The following ARHGEF4 variants were observed in gnomAD, a reference collection of about 807,000 sequenced individuals.
ARHGEF4 encodes the protein APC-stimulated guanine nucleotide exchange factor 1.
ARHGEF4 carries 119 observed loss-of-function variants against 162.0 expected under a neutral mutation model. The observed-to-expected ratio is 0.73, with a 90% CI of 0.63 to 0.86. The LOEUF (loss-of-function observed/expected upper bound fraction) is 0.86, where lower values mean the gene tolerates loss of function less well. Ranked by LOEUF, ARHGEF4 falls within the 40% of genes least tolerant of loss-of-function variation. The pLI is 0.00. For synonymous variants in ARHGEF4, 1,014 were observed against 979.9 expected (o/e 1.03, Z -0.65); for missense variants, 2,488 against 2,456.0 (o/e 1.01, Z -0.28).
chr2:131,025,078 C>T (rs1689391747), intron 4 of ARHGEF4, among the ~76,000 whole-genome samples: 1 of 152,028 alleles, frequency 6.6e-6, no homozygotes. Flanking sequence ...TAAAAAAATA[C>T]CTGAGACTGG....
chr2:130,882,695 T>C (rs988081177), intron 1 of ARHGEF4, among the ~76,000 whole-genome samples: 2 of 151,946 alleles, frequency 1.3e-5, no homozygotes, highest in Non-Finnish European at 2.9e-5. Context: ...TGCCACAAAC[T>C]AGTGCGAACA....
chr2:131,039,802 C>T, intron 6 of ARHGEF4: 1 of 1,407,800 alleles, frequency 7.1e-7, no homozygotes, highest in Non-Finnish European at 9.2e-7. Flanking sequence ...GTATTCGGAT[C>T]ACACTGACGG....
intron 1 of ARHGEF4, among the ~76,000 whole-genome samples, chr2:130,908,202 C>A (rs530746119): frequency 1.3e-5 from 2 of 152,124 alleles, no homozygotes; most frequent in African/African-American, 4.8e-5. Context: ...ATATTATATT[C>A]TTTTTGTGGT....
Position 130,915,779 on chromosome 2 carries a change from C to G in ARHGEF4, c.1833C>G (p.Ala611=). ...AGGGTGAACAGGGGCCTGGGGGTGC[C>G]GGGGGCCGGCAGCTGGAGCCCAAAG... ...AEEGEQGPGG[A]GGRQLEPKAG... Residue 611 remains alanine (A), a synonymous_variant, in exon 2 of 14, where the codon GCC becomes GCG. Coordinates refer to ENST00000409359, the MANE Select transcript of ARHGEF4 (RefSeq NM_001367493.1). 1 of 1,525,924 alleles carries G rather than the reference C, an allele frequency of 6.6e-7. No individual in the cohort carries two copies. The highest frequency in any genetic ancestry group is 8.8e-7 in the Non-Finnish European group (1 of 1,135,078). 94.5% of individuals were successfully genotyped at this position (1,525,924 alleles called of 1,614,324 possible). A position where few individuals can be genotyped will look rare whatever the true frequency, so the allele number is the denominator to read the frequency against.
intron 4 of ARHGEF4, among the ~76,000 whole-genome samples, chr2:131,019,555 G>C (rs1359654273): frequency 1.3e-5 from 2 of 150,920 alleles, no homozygotes; most frequent in East Asian, 3.9e-4. Context: ...TTCCAGCAAT[G>C]TTTTGTAGCT....
intron 5 of ARHGEF4, among the ~76,000 whole-genome samples, chr2:131,028,523 A>G (rs752806970): frequency 6.6e-6 from 1 of 152,244 alleles, no homozygotes; most frequent in Non-Finnish European, 1.5e-5. Context: ...GGAGTTCAGA[A>G]GTATTGCTGT....
chr2:130,977,700 G>C (rs541155115), intron 4 of ARHGEF4, among the ~76,000 whole-genome samples: 3 of 151,904 alleles, frequency 2.0e-5, no homozygotes, highest in South Asian at 4.2e-4. Context: ...TTGTGCAAAC[G>C]TGTTTTTTTT....
At chr2:131,016,142 A>G (rs1688762562) in intron 4 of ARHGEF4, among the ~76,000 whole-genome samples, 1 of 152,042 alleles carries the variant, frequency 6.6e-6, no homozygotes, top group Non-Finnish European at 1.5e-5. Flanking sequence ...GTTGCCTGGA[A>G]CACTCTTCAC....
At chr2:130,875,507 G>C (rs1452701040) in intron 1 of ARHGEF4, among the ~76,000 whole-genome samples, 1 of 152,138 alleles carries the variant, frequency 6.6e-6, no homozygotes, top group African/African-American at 2.4e-5. Context: ...AGAAGTGGAA[G>C]GGAAAGCAGG....
rs200809899 is a variant in ARHGEF4, at chr2:130,890,577, T to A, written c.40-23409T>A. The stretch of plus-strand genomic sequence containing the variant: ...ACTCCGTTTAAAAAAAAAAAAAAAA[T>A]TCCATCATTTTACCTCTCTGTGGTA... On this transcript the variant is annotated intron_variant, in intron 1 of 13. Transcript: ENST00000409359. 1.6e-3 allele frequency among the ~76,000 whole-genome samples: 160 copies of A among 102,732 alleles called. 1 individual carries two copies. The highest frequency in any genetic ancestry group is 8.8e-3 in the Middle Eastern group (2 of 228). 67.4% of individuals were successfully genotyped at this position (102,732 alleles called of 152,430 possible). A position where few individuals can be genotyped will look rare whatever the true frequency, so the allele number is the denominator to read the frequency against.
rs2105432103 is a variant in ARHGEF4, at chr2:131,047,200, C to G, written c.*1011C>G. Reference sequence around the variant, plus strand: ...ATGGACAGTCACTCTTGCACTATTCCTTCTCCAAGCCAGAAACCACATTTA... The same window carrying G: ...ATGGACAGTCACTCTTGCACTATTCGTTCTCCAAGCCAGAAACCACATTTA... On this transcript the variant is annotated 3_prime_UTR_variant, in exon 14 of 14. Coordinates refer to ENST00000409359, the MANE Select transcript of ARHGEF4 (RefSeq NM_001367493.1). 6.6e-6 allele frequency: 1 copy of G among 152,362 alleles called. No homozygotes were observed. The highest frequency in any genetic ancestry group is 2.4e-5 in the African/African-American group (1 of 41,584). 9.4% of individuals were successfully genotyped at this position (152,362 alleles called of 1,614,324 possible).
intron 4 of ARHGEF4, among the ~76,000 whole-genome samples, chr2:130,974,296 A>G (rs973793884): frequency 6.6e-6 from 1 of 151,848 alleles, no homozygotes; most frequent in South Asian, 2.1e-4. Context: ...AGATAGAAAC[A>G]TGGGCTATCA....
intron 4 of ARHGEF4, among the ~76,000 whole-genome samples, chr2:130,963,179 C>T (rs1684737030): frequency 6.6e-6 from 1 of 152,232 alleles, no homozygotes; most frequent in Non-Finnish European, 1.5e-5. Flanking sequence ...AACTCTTCCA[C>T]ACGCTTTCTA....
In ARHGEF4 at chr2:130,917,451, C is replaced by A; in HGVS notation, c.3505C>A (p.Arg1169Ser). 4 of 1,550,562 alleles carry A rather than the reference C, an allele frequency of 2.6e-6. No individual in the cohort carries two copies. Among genetic ancestry groups the A allele is most frequent in the Non-Finnish European group, 3.5e-6 (4 of 1,146,998 alleles). Reference protein sequence around the residue: ...EESREGGQGPRGLGTVPWLRD... With the variant: ...EESREGGQGPSGLGTVPWLRD... The stretch of plus-strand genomic sequence containing the variant: ...GAGCAGGGAAGGAGGCCAGGGTCCG[C>A]GCGGCTTGGGCACAGTGCCCTGGCT... Residue 1169 changes from arginine (R) to serine (S), a missense_variant, in exon 2 of 14, where the codon CGC becomes AGC. Physicochemically the swap from Arg to Ser is moderately radical, Grantham distance 110. This residue lies in a region of ARHGEF4 where 1,642 missense variants were observed against 1,481.5 expected (regional missense o/e 1.11). Transcript: ENST00000409359.
chr2:131,038,962 C>T lies in ARHGEF4; in HGVS notation c.4235C>T (p.Ala1412Val). 1 of 1,613,790 alleles carries T rather than the reference C, an allele frequency of 6.2e-7. No homozygotes were observed. Among genetic ancestry groups the T allele is most frequent in the Non-Finnish European group, 8.5e-7 (1 of 1,180,010 alleles). Residue 1412 changes from alanine (A) to valine (V), a missense_variant, in exon 6 of 14, where the codon GCC becomes GTC. Physicochemically the swap from Ala to Val is moderately conservative, Grantham distance 64. Around this residue, in one of 6 missense-constraint regions of ARHGEF4, gnomAD observed 174 missense variants for 148.3 expected, o/e 1.17. Transcript: ENST00000409359. ...KAGDVIEVMD[A>V]TNREWWWGRV... ...GGGGACGTCATCGAAGTGATGGATG[C>T]CACCAACAGAGAGTGGTGGTGGGGC...
intron 4 of ARHGEF4, among the ~76,000 whole-genome samples, chr2:130,976,474 C>A (rs1364904456): frequency 6.6e-6 from 1 of 152,024 alleles, no homozygotes; most frequent in African/African-American, 2.4e-5. Flanking sequence ...GAGCTCTGAG[C>A]ATGGGAAGAG....
intron 13 of ARHGEF4, chr2:131,045,802 G>GCA: frequency 7.0e-7 from 1 of 1,428,164 alleles, no homozygotes; most frequent in South Asian, 1.5e-5. Flanking sequence ...ACATGCCTTT[G>GCA]CACAGGCCAC....
intron 1 of ARHGEF4, among the ~76,000 whole-genome samples, chr2:130,842,912 T>G (rs988035218): frequency 6.6e-6 from 1 of 152,066 alleles, no homozygotes; most frequent in African/African-American, 2.4e-5. Context: ...TGTGCAGGGA[T>G]GAAGGGGGCG....
rs1190506140 is a variant in ARHGEF4 at position 131,045,377 on chromosome 2, A to G, written c.5410A>G (p.Ile1804Val). Residue 1804 changes from isoleucine (I) to valine (V), a missense_variant, in exon 13 of 14, where the codon ATC becomes GTC. Ile to Val is a conservative substitution (Grantham distance 29). Coordinates refer to ENST00000409359, the MANE Select transcript of ARHGEF4 (RefSeq NM_001367493.1). ...VQLDQETGFS[I>V]TELQRKQAML... ...CTGTGCCCCTTCCTCAGGCTTCTCC[A>G]TCACTGAACTGCAGAGGAAGCAGGC... 2 of 1,613,174 alleles carry G rather than the reference A, an allele frequency of 1.2e-6. No individual in the cohort carries two copies. The highest frequency in any genetic ancestry group is 8.5e-7 in the Non-Finnish European group (1 of 1,179,806).
Sources: allele counts gnomAD v4.1 joint callset (sites outside exome capture counted in the v4.1 genomes callset), GRCh38; gene constraint gnomAD v4.1.1; regional missense constraint gnomAD v4.1.1; transcripts MANE v1.5; gene names NCBI Gene and HGNC (gene_info 2026-07-23, HGNC 2026-07-21).